ANXA8: variants seen among roughly 807,000 people sequenced by gnomAD.
ANXA8 encodes the protein VAC-beta.
Under a neutral mutation model 26.8 loss-of-function variants are expected in ANXA8, and 9 were observed. That is an observed-to-expected ratio of 0.34 (90% CI 0.20 to 0.59). The LOEUF is 0.59. Among genes scored for constraint, ANXA8 ranks in the 20% least tolerant of loss-of-function variants. The pLI is 0.84. For missense variants in ANXA8, 83 were observed against 238.5 expected (o/e 0.35, Z 4.29); for synonymous variants, 39 against 94.8 (o/e 0.41, Z 3.42).
chr10:47,986,016 GTT>G, the ANXA8 span: 1 of 151,604 alleles, frequency 6.6e-6, no homozygotes, highest in East Asian at 1.9e-4. Flanking sequence ...GTTATTTCCA[GTT>G]TTTGTCTTTT....
At chr10:47,556,248 G>A in the ANXA8 span, among the ~76,000 whole-genome samples, 1 of 151,708 alleles carries the variant, frequency 6.6e-6, no homozygotes, top group African/African-American at 2.4e-5. Context: ...TCCATGCCTC[G>A]CCTCCCCCTC....
chr10:47,710,188 T>C, the ANXA8 span: 2 of 1,202,766 alleles, frequency 1.7e-6, no homozygotes, highest in African/African-American at 1.7e-5. Flanking sequence ...AATGTTGCCA[T>C]CTTTTGTCTG....
At chr10:47,664,861 G>T in the ANXA8 span, among the ~76,000 whole-genome samples, 12 of 143,340 alleles carry the variant, frequency 8.4e-5, no homozygotes, top group South Asian at 2.2e-3. Flanking sequence ...AAGTAGTTGG[G>T]ACTAAAGGTG....
chr10:47,501,583 C>T, the ANXA8 span, among the ~76,000 whole-genome samples: 1 of 139,054 alleles, frequency 7.2e-6, no homozygotes, highest in Non-Finnish European at 1.6e-5. Flanking sequence ...GTGGCAGGCA[C>T]CTGTAGTCCC....
chr10:47,894,525 ACAC>A, the ANXA8 span, among the ~76,000 whole-genome samples: 30 of 149,198 alleles, frequency 2.0e-4, no homozygotes, highest in Admixed American at 4.0e-4. Context: ...CACACCATAT[ACAC>A]CACACACACA....
chr10:47,632,428 C>G, the ANXA8 span, among the ~76,000 whole-genome samples: 13 of 148,532 alleles, frequency 8.8e-5, no homozygotes, highest in Non-Finnish European at 3.0e-5. Context: ...CACTAAGAAC[C>G]TAGATCTCAC....
the ANXA8 span, among the ~76,000 whole-genome samples, chr10:47,613,071 G>A: frequency 1.3e-5 from 1 of 78,574 alleles, no homozygotes; most frequent in African/African-American, 3.8e-5. Flanking sequence ...GTACAATGAA[G>A]GAGTGTCATA....
At chr10:47,700,571 C>G in the ANXA8 span, among the ~76,000 whole-genome samples, 1 of 151,442 alleles carries the variant, frequency 6.6e-6, no homozygotes, top group Non-Finnish European at 1.5e-5. Flanking sequence ...CTGAATGAAT[C>G]CTCTGTAATC....
chr10:47,705,591 G>A, the ANXA8 span, among the ~76,000 whole-genome samples: 2 of 144,768 alleles, frequency 1.4e-5, no homozygotes, highest in Admixed American at 1.4e-4. Flanking sequence ...CCCCTAGAGA[G>A]TTTCAGGTTT....
the ANXA8 span, among the ~76,000 whole-genome samples, chr10:47,534,579 A>T: frequency 1.0e-4 from 12 of 115,366 alleles, no homozygotes; most frequent in African/African-American, 2.1e-4. Context: ...TTTTTTTCCT[A>T]TTTATTTATA....
the ANXA8 span, among the ~76,000 whole-genome samples, chr10:47,647,845 A>G: frequency 2.6e-5 from 4 of 151,940 alleles, no homozygotes; most frequent in African/African-American, 4.8e-5. Flanking sequence ...TTGACCACAT[A>G]GGAAATAGGA....
the ANXA8 span, among the ~76,000 whole-genome samples, chr10:47,670,342 G>A: frequency 4.6e-5 from 7 of 152,012 alleles, no homozygotes; most frequent in Admixed American, 4.6e-4. Flanking sequence ...ATTTTTGGGG[G>A]TGAACATTTG....
chr10:47,666,048 A>G, the ANXA8 span, among the ~76,000 whole-genome samples: 2 of 151,350 alleles, frequency 1.3e-5, no homozygotes, highest in Non-Finnish European at 2.9e-5. Flanking sequence ...AAAACTACTG[A>G]GTAGTTTTTA....
At chr10:47,960,452 A>G in the ANXA8 span, among the ~76,000 whole-genome samples, 543 of 148,458 alleles carry the variant, frequency 3.7e-3, 8 homozygotes, top group African/African-American at 0.013. Flanking sequence ...GGAGGGAGCC[A>G]GCATTTCTCT....
At chr10:47,705,963 A>G in the ANXA8 span, among the ~76,000 whole-genome samples, 1 of 149,026 alleles carries the variant, frequency 6.7e-6, no homozygotes. Context: ...CGGCGCGAAG[A>G]GGGGCGGTGC....
the ANXA8 span, among the ~76,000 whole-genome samples, chr10:47,971,242 G>A: frequency 1.4e-3 from 210 of 151,112 alleles, 2 homozygotes; most frequent in African/African-American, 4.6e-3. Flanking sequence ...CTTTGAGGCC[G>A]TGAGAAGGCC....
At chr10:47,536,564 T>C in the ANXA8 span, among the ~76,000 whole-genome samples, 8 of 127,370 alleles carry the variant, frequency 6.3e-5, 2 homozygotes, top group Admixed American at 4.7e-4. Flanking sequence ...AATATATATA[T>C]ACACACACAC....
chr10:47,722,486 A>T, the ANXA8 span, among the ~76,000 whole-genome samples: 15 of 139,540 alleles, frequency 1.1e-4, 1 homozygote, highest in South Asian at 2.9e-3. Flanking sequence ...GTCTCTCAAG[A>T]GGTTGTAATC....
chr10:47,723,626 C>T, the ANXA8 span, among the ~76,000 whole-genome samples: 1 of 139,168 alleles, frequency 7.2e-6, no homozygotes, highest in African/African-American at 2.6e-5. Flanking sequence ...CTTTTCTACC[C>T]CCTCTTTAAA....
Sources: allele counts gnomAD v4.1 joint callset (sites outside exome capture counted in the v4.1 genomes callset), GRCh38; gene constraint gnomAD v4.1.1; transcripts MANE v1.5; gene names NCBI Gene and HGNC (gene_info 2026-07-23, HGNC 2026-07-21).